The following NELL1 variants were observed in gnomAD, a reference collection of about 807,000 sequenced individuals.
NELL1 encodes neural EGFL like 1.
In NELL1, 76 loss-of-function variants were observed where a neutral mutation model predicts 107.4. That is an observed-to-expected ratio of 0.71 (90% CI 0.59 to 0.86). The LOEUF (loss-of-function observed/expected upper bound fraction) is 0.86. Ranked by LOEUF, NELL1 falls within the 40% of genes least tolerant of loss-of-function variation. NELL1 has a pLI of 0.00. For missense variants in NELL1, 1,024 were observed against 1,005.5 expected (o/e 1.02, Z -0.25); for synonymous variants, 353 against 341.2 (o/e 1.03, Z -0.38).
At position 21,489,748 on chromosome 11, in the gene NELL1, C is replaced by A. The variant is rs112998689; in HGVS notation, c.1646-44626C>A. ...AAATCATTTGATAAAATGTAACATC[C>A]CTTTGTGATAAAAACTCTCAACATC... On this transcript the variant is annotated intron_variant, in intron 15 of 19. Coordinates refer to ENST00000357134, the MANE Select transcript of NELL1 (RefSeq NM_006157.5). Among the ~76,000 whole-genome samples the A allele has an allele frequency of 2.9e-3, 438 of 152,058 alleles. 7 individuals carry two copies. Among genetic ancestry groups the A allele is most frequent in the African/African-American group, 1.0e-2 (414 of 41,494 alleles).
chr11:21,035,855 A>G (rs916540284), intron 12 of NELL1, among the ~76,000 whole-genome samples: 20 of 152,296 alleles, frequency 1.3e-4, no homozygotes, highest in African/African-American at 4.6e-4. Context: ...CACAACTCCT[A>G]TTCAACATAG....
intron 1 of NELL1, among the ~76,000 whole-genome samples, chr11:20,670,954 C>T (rs1377690461): frequency 6.6e-6 from 1 of 152,280 alleles, no homozygotes; most frequent in Non-Finnish European, 1.5e-5. Flanking sequence ...AAAGTTCCCT[C>T]CGCTTGCGCC....
At chr11:20,918,579 A>G (rs1165333467) in intron 6 of NELL1, among the ~76,000 whole-genome samples, 4 of 152,018 alleles carry the variant, frequency 2.6e-5, no homozygotes, top group African/African-American at 9.7e-5. Context: ...ACAGGAGCAA[A>G]GTCACATCTT....
intron 19 of NELL1, among the ~76,000 whole-genome samples, chr11:21,574,354 C>T (rs151117336): frequency 0.022 from 3,320 of 151,772 alleles, 62 homozygotes; most frequent in Middle Eastern, 0.041. Context: ...CCCATCTGTA[C>T]CTTCAGTCCC....
At chr11:20,714,984 C>G (rs1382854634) in intron 2 of NELL1, among the ~76,000 whole-genome samples, 1 of 152,132 alleles carries the variant, frequency 6.6e-6, no homozygotes, top group Non-Finnish European at 1.5e-5. Flanking sequence ...TGGCTCACGC[C>G]TGTAATCCCA....
chr11:20,742,606 A>G (rs1230819187), intron 2 of NELL1, among the ~76,000 whole-genome samples: 2 of 152,192 alleles, frequency 1.3e-5, no homozygotes, highest in South Asian at 2.1e-4. Flanking sequence ...CATGTCTTAC[A>G]TGACAGCAGG....
chr11:21,409,435 G>T (rs972480356), intron 15 of NELL1, among the ~76,000 whole-genome samples: 3 of 151,890 alleles, frequency 2.0e-5, no homozygotes, highest in Non-Finnish European at 2.9e-5. Context: ...CTGTTGTGGG[G>T]TTGGGGGAGC....
At chr11:21,204,964 C>T (rs560041938) in intron 13 of NELL1, among the ~76,000 whole-genome samples, 3 of 152,122 alleles carry the variant, frequency 2.0e-5, no homozygotes, top group Non-Finnish European at 2.9e-5. Context: ...AAGATTGCTG[C>T]GTGTTCCTTC....
intron 10 of NELL1, among the ~76,000 whole-genome samples, chr11:20,946,766 T>C (rs1208401603): frequency 6.6e-6 from 1 of 152,220 alleles, no homozygotes; most frequent in Non-Finnish European, 1.5e-5. Flanking sequence ...AGGCTTATGC[T>C]GTGCTGTATG....
chr11:20,734,259 C>A (rs886239340), intron 2 of NELL1, among the ~76,000 whole-genome samples: 1 of 151,934 alleles, frequency 6.6e-6, no homozygotes, highest in African/African-American at 2.4e-5. Context: ...TCATATTGGG[C>A]CTTAGAGGTT....
At chr11:20,783,594 T>C (rs1856893447) in intron 2 of NELL1, 86 bp from the exon 3 acceptor site, 1 of 911,662 alleles carries the variant, frequency 1.1e-6, no homozygotes, top group Middle Eastern at 2.4e-4. Flanking sequence ...ATCTCCCCTC[T>C]CCTCTTTCTC....
chr11:21,560,417 G>C (rs1856821616), intron 17 of NELL1, 35 bp downstream of exon 17: 1 of 1,517,684 alleles, frequency 6.6e-7, no homozygotes, highest in South Asian at 1.3e-5. Flanking sequence ...AATTGAAACT[G>C]TTCTTTCTCT....
chr11:20,930,159 AT>A (rs1850589274), intron 9 of NELL1, among the ~76,000 whole-genome samples: 1 of 152,166 alleles, frequency 6.6e-6, no homozygotes, highest in African/African-American at 2.4e-5. Context: ...TTTTAAAATT[AT>A]AAAAGCACTG....
intron 15 of NELL1, among the ~76,000 whole-genome samples, chr11:21,484,319 G>T (rs899124065): frequency 1.3e-5 from 2 of 150,510 alleles, no homozygotes; most frequent in African/African-American, 4.9e-5. Context: ...CACCATTTTG[G>T]TGACCGTTCT....
At chr11:21,502,905 G>A (rs190089598) in intron 15 of NELL1, among the ~76,000 whole-genome samples, 155 of 152,056 alleles carry the variant, frequency 1.0e-3, no homozygotes, top group Non-Finnish European at 1.7e-3. Context: ...TTTTTGAGAT[G>A]GAATTTTGTT....
At chr11:21,460,235 TTTG>T in intron 15 of NELL1, among the ~76,000 whole-genome samples, 1 of 151,862 alleles carries the variant, frequency 6.6e-6, no homozygotes, top group Non-Finnish European at 1.5e-5. Context: ...CAGGTAAATG[TTTG>T]TTGATTGGAA....
At chr11:21,455,320 C>T (rs140556879) in intron 15 of NELL1, among the ~76,000 whole-genome samples, 287 of 76,998 alleles carry the variant, frequency 3.7e-3, no homozygotes, top group African/African-American at 4.0e-3. Context: ...TTCTTTTATT[C>T]TTTTTTTTTT....
At chr11:20,872,671 G>GGTGTGT (rs61184129) in intron 4 of NELL1, among the ~76,000 whole-genome samples, 38,496 of 136,842 alleles carry the variant, frequency 0.28, 6,061 homozygotes, top group East Asian at 0.43. Flanking sequence ...CAGTGTTTGA[G>GGTGTGT]GTGTGTGTGT....
chr11:20,816,488 T>C (rs1857626330), intron 3 of NELL1, among the ~76,000 whole-genome samples: 1 of 152,226 alleles, frequency 6.6e-6, no homozygotes, highest in South Asian at 2.1e-4. Flanking sequence ...TTTTTGTACA[T>C]TGATTTTGTA....
Sources: allele counts gnomAD v4.1 joint callset (sites outside exome capture counted in the v4.1 genomes callset), GRCh38; gene constraint gnomAD v4.1.1; transcripts MANE v1.5; gene names NCBI Gene and HGNC (gene_info 2026-07-23, HGNC 2026-07-21).